The following SPAG16 variants were observed in gnomAD, a reference collection of about 807,000 sequenced individuals.
SPAG16 encodes the protein sperm associated antigen 16.
A neutral mutation model predicts 80.4 loss-of-function variants in SPAG16; 86 were observed. The ratio of observed to expected loss-of-function variants is 1.07; its 90% CI spans 0.90 to 1.28. SPAG16 has a LOEUF of 1.28. SPAG16 is among the 50% of genes most tolerant of loss of function. SPAG16 has a pLI of 0.00. For missense variants in SPAG16, 870 were observed against 765.3 expected (o/e 1.14, Z -1.61); for synonymous variants, 294 against 265.9 (o/e 1.11, Z -1.03).
At chr2:213,975,081 T>C (rs1339032540) in intron 12 of SPAG16, among the ~76,000 whole-genome samples, 1 of 151,340 alleles carries the variant, frequency 6.6e-6, no homozygotes, top group Non-Finnish European at 1.5e-5. Context: ...TTATAGACTT[T>C]AAATATAATT....
intron 10 of SPAG16, among the ~76,000 whole-genome samples, chr2:213,836,636 T>C (rs1311599894): frequency 6.6e-6 from 1 of 152,080 alleles, no homozygotes; most frequent in East Asian, 1.9e-4. Context: ...TTTTTTTAGA[T>C]AGTCTTGCTC....
chr2:213,831,130 C>T (rs1431488133), intron 10 of SPAG16, among the ~76,000 whole-genome samples: 1 of 148,362 alleles, frequency 6.7e-6, no homozygotes, highest in East Asian at 2.0e-4. Context: ...ACCTTAGCCT[C>T]CTGAGTTCAA....
At chr2:214,372,452 C>G (rs1454293866) in intron 15 of SPAG16, among the ~76,000 whole-genome samples, 1 of 125,988 alleles carries the variant, frequency 7.9e-6, no homozygotes, top group Non-Finnish European at 1.8e-5. Context: ...ACAACAAAAG[C>G]TTGAGGGAAA....
intron 12 of SPAG16, among the ~76,000 whole-genome samples, chr2:214,012,001 C>T (rs1051266561): frequency 2.6e-5 from 4 of 151,700 alleles, no homozygotes; most frequent in South Asian, 2.1e-4. Flanking sequence ...ACAGGATCAC[C>T]GAGTGCATCA....
chr2:214,048,578 G>A (rs367720980), intron 13 of SPAG16, among the ~76,000 whole-genome samples: 19 of 151,954 alleles, frequency 1.3e-4, no homozygotes, highest in Middle Eastern at 3.4e-3. Context: ...GACGGGTGGC[G>A]GGGGGAAGTA....
At chr2:213,760,362 A>G (rs2125518398) in intron 10 of SPAG16, among the ~76,000 whole-genome samples, 1 of 152,320 alleles carries the variant, frequency 6.6e-6, no homozygotes, top group Admixed American at 6.5e-5. Flanking sequence ...GGTTTAATAC[A>G]GTAAGAAGTT....
chr2:214,123,838 A>G (rs1246261004), intron 14 of SPAG16, among the ~76,000 whole-genome samples: 4 of 152,032 alleles, frequency 2.6e-5, no homozygotes. Context: ...GGTCCCGTGG[A>G]GGAATAGCAA....
intron 9 of SPAG16, among the ~76,000 whole-genome samples, chr2:213,472,182 C>G (rs1384311549): frequency 6.6e-6 from 1 of 152,114 alleles, no homozygotes; most frequent in African/African-American, 2.4e-5. Flanking sequence ...TGAGGTAGGA[C>G]AGTAAAGGTA....
chr2:213,982,584 CA>C (rs1301939300), intron 12 of SPAG16, among the ~76,000 whole-genome samples: 1 of 150,116 alleles, frequency 6.7e-6, no homozygotes, highest in Non-Finnish European at 1.5e-5. Context: ...TAAGCAAATA[CA>C]ACTTGTTACC....
intron 13 of SPAG16, among the ~76,000 whole-genome samples, chr2:214,055,733 A>T (rs565309210): frequency 6.6e-6 from 1 of 152,170 alleles, no homozygotes; most frequent in Non-Finnish European, 1.5e-5. Flanking sequence ...GCCTTCATTT[A>T]AAAAAAATCT....
At chr2:213,930,198 G>A (rs2078687805) in intron 12 of SPAG16, 53 bp downstream of exon 12, 10 of 1,342,366 alleles carry the variant, frequency 7.4e-6, no homozygotes, top group Non-Finnish European at 1.0e-5. Context: ...ATATACGTGG[G>A]TAAAGTGGTA....
At position 213,310,148 on chromosome 2, in the gene SPAG16, C is replaced by T. The variant is rs764109608; in HGVS notation, c.369C>T (p.Thr123=). ...ATTTCTTGATCAAAATGGGAATGAC[C>T]AGAACTCTTGATTGCTTTCAGTCTG... ...LCNFLIKMGM[T]RTLDCFQSEW... The change falls in exon 4 of 16, where the codon ACC becomes ACT. Residue 123 remains threonine, a synonymous_variant. Coordinates refer to ENST00000331683, the MANE Select transcript of SPAG16 (RefSeq NM_024532.5). The T allele has an allele frequency of 6.2e-7, 1 of 1,609,716 alleles. No individual in the cohort carries two copies.
intron 14 of SPAG16, among the ~76,000 whole-genome samples, chr2:214,113,841 T>C (rs2053798147): frequency 6.6e-6 from 1 of 152,210 alleles, no homozygotes. Context: ...GTCAAAGTCT[T>C]TCTGCATCCA....
chr2:213,925,977 C>A (rs1360938438), intron 11 of SPAG16, among the ~76,000 whole-genome samples: 3 of 151,938 alleles, frequency 2.0e-5, no homozygotes, highest in Non-Finnish European at 2.9e-5. Context: ...TTTTTATTGA[C>A]ACCACTGTTT....
At chr2:213,302,027 C>G (rs945378248) in intron 3 of SPAG16, among the ~76,000 whole-genome samples, 2 of 152,096 alleles carry the variant, frequency 1.3e-5, no homozygotes, top group Non-Finnish European at 2.9e-5. Flanking sequence ...TAGCAGATTT[C>G]TATTGTTGCA....
chr2:213,390,513 T>A (rs540477594), intron 9 of SPAG16, among the ~76,000 whole-genome samples: 1 of 152,304 alleles, frequency 6.6e-6, no homozygotes, highest in East Asian at 1.9e-4. Context: ...AACAAATATG[T>A]TAAAACATTT....
intron 3 of SPAG16, among the ~76,000 whole-genome samples, chr2:213,303,171 G>T (rs1248885106): frequency 3.3e-5 from 5 of 152,006 alleles, no homozygotes; most frequent in South Asian, 2.1e-4. Context: ...TGCTAGTTTG[G>T]TATCTCCCAT....
chr2:213,897,833 T>C (rs1223229461), intron 11 of SPAG16, among the ~76,000 whole-genome samples: 1 of 152,180 alleles, frequency 6.6e-6, no homozygotes, highest in Non-Finnish European at 1.5e-5. Context: ...TAAAATCCCA[T>C]CTTTTCTGCA....
At position 214,083,202 on chromosome 2, in the gene SPAG16, G is replaced by A. The variant is rs531708430; in HGVS notation, c.1528-24994G>A. On this transcript the variant is annotated intron_variant, in intron 13 of 15. Coordinates refer to ENST00000331683, the MANE Select transcript of SPAG16 (RefSeq NM_024532.5). Reference sequence around the variant, plus strand: ...AGGGGACGGAATGTGTGATTTCTAGGATGAAAGTTTTAGAAGAATACTTGA... The same window carrying A: ...AGGGGACGGAATGTGTGATTTCTAGAATGAAAGTTTTAGAAGAATACTTGA... Among the ~76,000 whole-genome samples the A allele has an allele frequency of 3.9e-5, 6 of 152,242 alleles. No individual in the cohort carries two copies. The South Asian group carries it at 8.3e-4, about 21-fold the overall frequency.
Sources: gnomAD v4.1 joint callset for allele counts (sites outside exome capture counted in the v4.1 genomes callset) on GRCh38, gnomAD v4.1.1 for gene constraint, MANE v1.5 for transcripts, NCBI Gene and HGNC (gene_info 2026-07-23, HGNC 2026-07-21) for gene names.